The following ST18 variants were observed in gnomAD, a reference collection of about 807,000 sequenced individuals.
The protein encoded by ST18 is suppression of tumorigenicity 18 protein.
Under a neutral mutation model 110.0 loss-of-function variants are expected in ST18, and 50 were observed. That is an observed-to-expected ratio of 0.45 (90% confidence interval 0.36 to 0.58). ST18 has a LOEUF of 0.58. Ranked by LOEUF, ST18 falls within the 20% of genes least tolerant of loss-of-function variation. The probability of loss-of-function intolerance (pLI) is 0.00; values close to 1 mark genes in which losing one functional copy is unlikely to be tolerated. For synonymous variants in ST18, 461 were observed against 452.4 expected, an observed-to-expected ratio of 1.02 and a Z score of -0.24; for missense variants, 1,306 against 1,280.1, an observed-to-expected ratio of 1.02 and a Z score of -0.31.
chr8:52,189,022 G>A (rs1034991347), intron 8 of ST18, among the ~76,000 whole-genome samples: 2 of 152,114 alleles, frequency 1.3e-5, no homozygotes, highest in Non-Finnish European at 2.9e-5. Flanking sequence ...GACACACTAA[G>A]AAATATAAAA....
intron 2 of ST18, among the ~76,000 whole-genome samples, chr8:52,298,613 G>A (rs982591330): frequency 6.6e-6 from 1 of 152,148 alleles, no homozygotes; most frequent in Non-Finnish European, 1.5e-5. Context: ...TTAAAAAAGA[G>A]TGAGAAACTT....
At chr8:52,389,144 C>CT (rs1838297866) in intron 2 of ST18, among the ~76,000 whole-genome samples, 1 of 152,128 alleles carries the variant, frequency 6.6e-6, no homozygotes, top group African/African-American at 2.4e-5. Context: ...CGGGGCTTGG[C>CT]TGTGGGGCTC....
chr8:52,299,492 A>G (rs2095683690), intron 2 of ST18, among the ~76,000 whole-genome samples: 1 of 152,238 alleles, frequency 6.6e-6, no homozygotes, highest in African/African-American at 2.4e-5. Context: ...CTTAAAACAT[A>G]TTAAACCTAC....
At chr8:52,301,097 A>G (rs1431951466) in intron 2 of ST18, among the ~76,000 whole-genome samples, 2 of 152,250 alleles carry the variant, frequency 1.3e-5, no homozygotes, top group Non-Finnish European at 2.9e-5. Flanking sequence ...ATTTCTAATA[A>G]TGGAAGAAAT....
rs10640311 is a variant in ST18 at position 52,250,661 on chromosome 8, C to CAAA, written c.-464-20587_-464-20585dup. Among the ~76,000 whole-genome samples, 555 of 142,078 alleles carry CAAA rather than the reference C, an allele frequency of 3.9e-3. 4 individuals are homozygous for CAAA. The highest frequency in any genetic ancestry group is 0.012 in the African/African-American group (446 of 38,624). 93.2% of individuals were successfully genotyped at this position (142,078 alleles called of 152,430 possible). ...AAACACCATTCATGAAATCACCATC[C>CAAA]AAAAAAAAAAAAATTGCTAAAATGT... is the stretch of plus-strand genomic sequence containing the variant. On this transcript the variant is annotated intron_variant, in intron 2 of 25. Coordinates refer to ENST00000689386, the MANE Select transcript of ST18 (RefSeq NM_001352837.2).
At chr8:52,251,431 C>G (rs1266696285) in intron 2 of ST18, among the ~76,000 whole-genome samples, 1 of 151,998 alleles carries the variant, frequency 6.6e-6, no homozygotes, top group Non-Finnish European at 1.5e-5. Context: ...TACACATACA[C>G]AAAATGAGAA....
chr8:52,167,011 T>C, intron 10 of ST18, 25 bp from the exon 11 acceptor site: 3 of 1,587,040 alleles, frequency 1.9e-6, no homozygotes, highest in Non-Finnish European at 2.6e-6. Context: ...AATTGAGAAA[T>C]GCATTTGGTT....
intron 2 of ST18, among the ~76,000 whole-genome samples, chr8:52,281,800 A>G (rs2095382450): frequency 6.6e-6 from 1 of 152,238 alleles, no homozygotes; most frequent in South Asian, 2.1e-4. Flanking sequence ...GGAATGGAAA[A>G]CCAAACATCA....
intron 3 of ST18, among the ~76,000 whole-genome samples, chr8:52,222,725 T>C (rs759101217): frequency 6.6e-6 from 1 of 152,206 alleles, no homozygotes; most frequent in African/African-American, 2.4e-5. Flanking sequence ...GCATGTGCAC[T>C]ATCAGATCAA....
chr8:52,136,630 T>C lies in ST18; in HGVS notation c.2260A>G (p.Thr754Ala). The C allele has an allele frequency of 6.2e-7, 1 of 1,610,834 alleles. No homozygotes were observed. Among genetic ancestry groups the C allele is most frequent in the African/African-American group, 1.3e-5 (1 of 74,922 alleles). The stretch of plus-strand genomic sequence containing the variant: ...TTGGCAGCCATGAGGGATTTTAGAG[T>C]CTTATCTGCTAAAGGACATCCAGAA... ...SVSGCPLADKTLKSLMAANSQ... is the reference protein window; with the variant it reads ...SVSGCPLADKALKSLMAANSQ... Residue 754 changes from threonine to alanine, a missense_variant, in exon 19 of 26, where the codon ACT (threonine) becomes GCT (alanine). Thr to Ala is a moderately conservative substitution (Grantham distance 58). Coordinates refer to ENST00000689386, the MANE Select transcript of ST18 (RefSeq NM_001352837.2).
Position 52,228,896 on chromosome 8 carries a change from C to A in ST18, c.-419+1136G>T, listed in dbSNP as rs116913521. On this transcript the variant is annotated intron_variant, in intron 3 of 25. Transcript: ENST00000689386. ...TTCCACTCAGCAATGCTTAGGTAAA[C>A]ATGGACTCACTAAAAAGTCCAATAA... Among the ~76,000 whole-genome samples the A allele has an allele frequency of 8.8e-3, 1,346 of 152,180 alleles. 11 individuals carry two copies. Among genetic ancestry groups the A allele is most frequent in the Non-Finnish European group, 0.015 (1,023 of 67,990 alleles).
intron 2 of ST18, among the ~76,000 whole-genome samples, chr8:52,237,317 A>G (rs1012710759): frequency 5.3e-5 from 8 of 152,234 alleles, no homozygotes; most frequent in African/African-American, 2.4e-5. Context: ...AGTTAGTAGG[A>G]TAATTTGTTA....
At chr8:52,345,255 G>C (rs1030609739) in intron 2 of ST18, among the ~76,000 whole-genome samples, 17 of 151,970 alleles carry the variant, frequency 1.1e-4, no homozygotes, top group African/African-American at 4.1e-4. Flanking sequence ...CTAGACTTGG[G>C]GATCTAGATG....
intron 2 of ST18, among the ~76,000 whole-genome samples, chr8:52,283,306 A>G (rs1205067273): frequency 6.6e-6 from 1 of 152,174 alleles, no homozygotes; most frequent in Non-Finnish European, 1.5e-5. Flanking sequence ...AGATGCTGAG[A>G]AGGTTTGGTA....
At chr8:52,406,334 A>G (rs1490758832) in intron 2 of ST18, 1 of 152,296 alleles carries the variant, frequency 6.6e-6, no homozygotes, top group Non-Finnish European at 1.5e-5. Flanking sequence ...GACTCCAACC[A>G]TTGCTTCCCA....
At chr8:52,177,613 T>C (rs1039358233) in intron 9 of ST18, among the ~76,000 whole-genome samples, 1 of 152,206 alleles carries the variant, frequency 6.6e-6, no homozygotes, top group East Asian at 1.9e-4. Flanking sequence ...GGGCCTGCCA[T>C]TACTGGAAAC....
intron 8 of ST18, among the ~76,000 whole-genome samples, chr8:52,197,889 G>GCACAAA (rs1554700396): frequency 2.0e-5 from 3 of 150,150 alleles, no homozygotes; most frequent in African/African-American, 7.4e-5. Context: ...AACAAAATGA[G>GCACAAA]CACACACACA....
chr8:52,123,886 T>G (rs1261894488), intron 23 of ST18, among the ~76,000 whole-genome samples: 1 of 152,216 alleles, frequency 6.6e-6, no homozygotes, highest in African/African-American at 2.4e-5. Flanking sequence ...GCCTTGTAAT[T>G]TATATTCTGT....
At chr8:52,178,026 C>A (rs2067594952) in intron 9 of ST18, among the ~76,000 whole-genome samples, 2 of 152,100 alleles carry the variant, frequency 1.3e-5, no homozygotes, top group Admixed American at 1.3e-4. Flanking sequence ...TGTGAACCTG[C>A]AAATAGATGT....
Sources: allele counts gnomAD v4.1 joint callset (sites outside exome capture counted in the v4.1 genomes callset), GRCh38; gene constraint gnomAD v4.1.1; transcripts MANE v1.5; gene names NCBI Gene and HGNC (gene_info 2026-07-23, HGNC 2026-07-21).